Variants in HERC3 observed in about 807,000 individuals in gnomAD.
HERC3 encodes the protein HECT and RLD domain containing E3 ubiquitin protein ligase 3, also known as probable E3 ubiquitin-protein ligase HERC3.
Under a neutral mutation model 129.9 loss-of-function variants are expected in HERC3, and 58 were observed. That is an observed-to-expected ratio of 0.45 (90% CI 0.36 to 0.56). HERC3 has a LOEUF of 0.56. Among genes scored for constraint, HERC3 ranks in the 20% least tolerant of loss-of-function variants. The pLI is 0.00. For synonymous variants in HERC3, 430 were observed against 451.0 expected, an observed-to-expected ratio of 0.95 and a Z score of 0.59; for missense variants, 835 against 1,244.2, an observed-to-expected ratio of 0.67 and a Z score of 4.95.
At chr4:88,687,690 CAG>C (rs1394414136) in intron 23 of HERC3, among the ~76,000 whole-genome samples, 2 of 152,198 alleles carry the variant, frequency 1.3e-5, no homozygotes, top group Admixed American at 6.5e-5. Context: ...GCATCTAGCA[CAG>C]AGTTTCTAGT....
intron 3 of HERC3, among the ~76,000 whole-genome samples, chr4:88,607,941 C>T (rs1242182168): frequency 6.6e-6 from 1 of 152,060 alleles, no homozygotes; most frequent in Non-Finnish European, 1.5e-5. Context: ...GGTGTTTGCC[C>T]CTTTTTTTGT....
chr4:88,632,172 C>T (rs1726848327), intron 3 of HERC3, among the ~76,000 whole-genome samples: 1 of 152,172 alleles, frequency 6.6e-6, no homozygotes, highest in East Asian at 1.9e-4. Context: ...CTTTGGCTCA[C>T]CTCTGTGTTC....
At chr4:88,564,548 C>CAG in the HERC3 span, among the ~76,000 whole-genome samples, 1 of 152,106 alleles carries the variant, frequency 6.6e-6, no homozygotes. Flanking sequence ...AAAGCAGTCT[C>CAG]TAATGATCCT....
intron 10 of HERC3, among the ~76,000 whole-genome samples, chr4:88,659,972 A>G (rs1481612948): frequency 6.6e-6 from 1 of 152,208 alleles, no homozygotes; most frequent in Non-Finnish European, 1.5e-5. Context: ...AGTTTAAACA[A>G]CTGGAAAGAG....
chr4:88,558,706 G>C, the HERC3 span, among the ~76,000 whole-genome samples: 4 of 152,108 alleles, frequency 2.6e-5, no homozygotes, highest in Admixed American at 2.6e-4. Flanking sequence ...GCTCACGCCT[G>C]TAATCCCAGC....
At chr4:88,594,207 T>C (rs950344105) in intron 1 of HERC3, among the ~76,000 whole-genome samples, 3 of 152,232 alleles carry the variant, frequency 2.0e-5, no homozygotes, top group Admixed American at 6.5e-5. Flanking sequence ...CCATTCGTTA[T>C]AGCATTTCAT....
the HERC3 span, among the ~76,000 whole-genome samples, chr4:88,551,429 A>T: frequency 4.0e-5 from 6 of 148,472 alleles, no homozygotes; most frequent in African/African-American, 1.5e-4. Flanking sequence ...ACTCAAACAA[A>T]TTTACAAGAA....
At chr4:88,665,439 GAGA>G (rs1176388742) in intron 12 of HERC3, among the ~76,000 whole-genome samples, 1 of 152,212 alleles carries the variant, frequency 6.6e-6, no homozygotes, top group Admixed American at 6.5e-5. Context: ...ACAAGGGCAG[GAGA>G]AGAAGGATGT....
chr4:88,666,748 TA>T (rs1218538374), intron 12 of HERC3, among the ~76,000 whole-genome samples: 1 of 152,178 alleles, frequency 6.6e-6, no homozygotes, highest in Admixed American at 6.5e-5. Flanking sequence ...TATTTAAGGT[TA>T]AAAAAATGAT....
At chr4:88,627,747 ACAAAAAAGTAGGCAGGTATGGTGGTGC>A (rs1430410091) in intron 3 of HERC3, among the ~76,000 whole-genome samples, 2 of 147,578 alleles carry the variant, frequency 1.4e-5, no homozygotes, top group African/African-American at 4.9e-5. Context: ...TACTAAAAAT[ACAAAAAAGTAGGCAGGTATGGTGGTGC>A]ATGCCTGTAA....
chr4:88,525,029 A>ATTTT, the HERC3 span: 20 of 151,622 alleles, frequency 1.3e-4, no homozygotes, highest in Admixed American at 3.3e-4. Context: ...GTTTTTTTTA[A>ATTTT]AAAAAACAGT....
chr4:88,610,194 C>T (rs1466246220), intron 3 of HERC3, among the ~76,000 whole-genome samples: 1 of 152,166 alleles, frequency 6.6e-6, no homozygotes, highest in East Asian at 1.9e-4. Flanking sequence ...GTGGCTCACG[C>T]CTGTAATCCC....
intron 3 of HERC3, among the ~76,000 whole-genome samples, chr4:88,615,625 T>A (rs1426586843): frequency 1.3e-5 from 2 of 152,222 alleles, no homozygotes; most frequent in African/African-American, 4.8e-5. Flanking sequence ...AGAAAGTTGC[T>A]TAAACTCTAC....
chr4:88,531,446 A>G, the HERC3 span, among the ~76,000 whole-genome samples: 1 of 152,246 alleles, frequency 6.6e-6, no homozygotes, highest in African/African-American at 2.4e-5. Context: ...CACTAAAACT[A>G]TAAATATATC....
intron 23 of HERC3, among the ~76,000 whole-genome samples, chr4:88,698,765 C>G (rs1415545727): frequency 6.6e-6 from 1 of 150,776 alleles, no homozygotes; most frequent in Non-Finnish European, 1.5e-5. Context: ...TGCCCCTCCC[C>G]CGCACTGACT....
intron 3 of HERC3, among the ~76,000 whole-genome samples, chr4:88,612,434 G>A (rs1396472003): frequency 6.6e-6 from 1 of 151,942 alleles, no homozygotes; most frequent in Non-Finnish European, 1.5e-5. Context: ...TCTAGCTTAG[G>A]TGTGTCCATG....
chr4:88,617,603 G>C (rs1383964799), intron 3 of HERC3, among the ~76,000 whole-genome samples: 1 of 152,198 alleles, frequency 6.6e-6, no homozygotes, highest in African/African-American at 2.4e-5. Flanking sequence ...TGGGTGCAGT[G>C]GCTCACGCCT....
intron 3 of HERC3, among the ~76,000 whole-genome samples, chr4:88,639,586 T>C (rs1160226709): frequency 6.6e-6 from 1 of 152,022 alleles, no homozygotes; most frequent in East Asian, 1.9e-4. Flanking sequence ...AAAAATTAAC[T>C]CAAGATGAAT....
At chr4:88,681,511 G>A (rs1198459376) in intron 21 of HERC3, among the ~76,000 whole-genome samples, 186 bp downstream of exon 21, 1 of 152,140 alleles carries the variant, frequency 6.6e-6, no homozygotes, top group Non-Finnish European at 1.5e-5. Context: ...CTGTGTTATC[G>A]GTACAGTATC....
Sources: allele counts gnomAD v4.1 joint callset (sites outside exome capture counted in the v4.1 genomes callset), GRCh38; gene constraint gnomAD v4.1.1; transcripts MANE v1.5; gene names NCBI Gene and HGNC (gene_info 2026-07-23, HGNC 2026-07-21).